Variants in NFAT5 observed in about 807,000 individuals in gnomAD.
NFAT5 encodes nuclear factor of activated T-cells 5.
In NFAT5, 31 loss-of-function variants were observed where a neutral mutation model predicts 166.5. The observed-to-expected ratio is 0.19, with a 90% CI of 0.14 to 0.25. NFAT5 has a LOEUF of 0.25. Among genes scored for constraint, NFAT5 ranks in the 10% least tolerant of loss-of-function variants. The pLI, the probability that NFAT5 is intolerant of heterozygous loss-of-function variation, is 1.00. For missense variants in NFAT5, 1,449 were observed against 1,821.8 expected, an observed-to-expected ratio of 0.80 and a Z score of 3.72; for synonymous variants, 612 against 639.7, an observed-to-expected ratio of 0.96 and a Z score of 0.65.
chr16:69,586,965 C>T (rs972533600), intron 2 of NFAT5, among the ~76,000 whole-genome samples: 35 of 152,150 alleles, frequency 2.3e-4, no homozygotes, highest in African/African-American at 7.5e-4. Context: ...GGTAGGGGTT[C>T]ATGAAAACCC....
At chr16:69,595,836 T>G (rs1597373590) in intron 2 of NFAT5, among the ~76,000 whole-genome samples, 1 of 141,714 alleles carries the variant, frequency 7.1e-6, no homozygotes, top group Non-Finnish European at 1.5e-5. Flanking sequence ...ACACAAACAC[T>G]GTGATACTTT....
At chr16:69,617,093 A>G (rs2033986472) in intron 2 of NFAT5, among the ~76,000 whole-genome samples, 1 of 151,680 alleles carries the variant, frequency 6.6e-6, no homozygotes, top group African/African-American at 2.4e-5. Flanking sequence ...ACAGGCGCCC[A>G]CCATCACGCC....
intron 2 of NFAT5, among the ~76,000 whole-genome samples, chr16:69,619,161 G>A (rs1349943192): frequency 1.3e-5 from 2 of 152,148 alleles, no homozygotes; most frequent in East Asian, 1.9e-4. Context: ...TCTCTGACCC[G>A]AAAGCAGTTG....
chr16:69,568,372 GTGTGTATA>G (rs1197183445), intron 1 of NFAT5, 115 bp from the exon 2 acceptor site: 65 of 394,678 alleles, frequency 1.6e-4, no homozygotes, highest in East Asian at 5.0e-4. Flanking sequence ...GTGTGTGTGT[GTGTGTATA>G]TATATATATA....
chr16:69,636,935 GT>G, intron 3 of NFAT5, among the ~76,000 whole-genome samples: 1 of 152,288 alleles, frequency 6.6e-6, no homozygotes. Context: ...TAGAAAATGG[GT>G]TTTTCTTTTC....
intron 7 of NFAT5, among the ~76,000 whole-genome samples, chr16:69,661,418 C>T (rs2036131785): frequency 6.7e-6 from 1 of 149,334 alleles, no homozygotes; most frequent in Non-Finnish European, 1.5e-5. Context: ...TGGCATGTGC[C>T]TGTAGTCCCA....
In NFAT5 at chr16:69,691,932, C is replaced by G; in HGVS notation, c.2107C>G (p.Gln703Glu). ...LTTIQTQDIS[Q>E]PGTFPAVSAS... ...AACTATTCAAACCCAGGACATCTCACAGCCTGGTACTTTTCCAGCAGTTTC... is the reference window on the plus strand; with the variant it reads ...AACTATTCAAACCCAGGACATCTCAGAGCCTGGTACTTTTCCAGCAGTTTC... The change falls in exon 13 of 15, where the codon CAG (glutamine) becomes GAG (glutamate). Residue 703 changes from glutamine to glutamate, a missense_variant. By Grantham distance (29) the Gln-to-Glu change is conservative. Transcript: ENST00000349945. 1 of 1,614,158 alleles carries G rather than the reference C, an allele frequency of 6.2e-7. No homozygotes were observed. Among genetic ancestry groups the G allele is most frequent in the Non-Finnish European group, 8.5e-7 (1 of 1,180,022 alleles).
At chr16:69,620,390 T>G (rs1234405555) in intron 2 of NFAT5, among the ~76,000 whole-genome samples, 1 of 152,224 alleles carries the variant, frequency 6.6e-6, no homozygotes, top group Non-Finnish European at 1.5e-5. Flanking sequence ...GGTGAGTTGA[T>G]TACACATTAT....
chr16:69,607,158 G>A (rs1161499133), intron 2 of NFAT5, among the ~76,000 whole-genome samples: 1 of 152,156 alleles, frequency 6.6e-6, no homozygotes, highest in East Asian at 1.9e-4. Context: ...GACAGCCAAG[G>A]CTTGCTGTGA....
intron 5 of NFAT5, among the ~76,000 whole-genome samples, chr16:69,654,807 G>T (rs577122166): frequency 1.7e-4 from 26 of 152,242 alleles, no homozygotes; most frequent in African/African-American, 6.3e-4. Flanking sequence ...AGCTGTACTG[G>T]AATAGAAAAG....
At chr16:69,658,068 G>T (rs1310098414) in intron 6 of NFAT5, among the ~76,000 whole-genome samples, 5 of 150,474 alleles carry the variant, frequency 3.3e-5, no homozygotes, top group Admixed American at 2.6e-4. Flanking sequence ...TGGGCGACAG[G>T]GCGAGACTTG....
At position 69,566,026 on chromosome 16, in the gene NFAT5, C is replaced by A. The variant is rs2016002684; in HGVS notation, c.-276C>A. The A allele has an allele frequency of 2.6e-6, 1 of 385,382 alleles. No homozygotes were observed. Among genetic ancestry groups the A allele is most frequent in the Non-Finnish European group, 4.7e-6 (1 of 214,490 alleles). 23.9% of individuals were successfully genotyped at this position (385,382 alleles called of 1,614,324 possible). A position where few individuals can be genotyped will look rare whatever the true frequency, so the allele number is the denominator to read the frequency against. ...CGTCAGTTTTCGCTGAGGAGAAACA[C>A]GAAACGGACCCTTTGGCTCTCCCCC... On this transcript the variant is annotated 5_prime_UTR_variant, in exon 1 of 15. Coordinates refer to ENST00000349945, the MANE Select transcript of NFAT5 (RefSeq NM_138713.4). This position sits in a 1 kb window ranked among gnomAD's most constrained non-coding sequence, Gnocchi z 5.7.
intron 2 of NFAT5, among the ~76,000 whole-genome samples, chr16:69,617,203 A>T (rs894820285): frequency 6.6e-6 from 1 of 152,000 alleles, no homozygotes; most frequent in Non-Finnish European, 1.5e-5. Flanking sequence ...CGGCCTCCCA[A>T]AGTGCTGGGA....
At chr16:69,648,368 A>G in intron 4 of NFAT5, 2 of 982,408 alleles carry the variant, frequency 2.0e-6, no homozygotes, top group Non-Finnish European at 2.4e-6. Flanking sequence ...AACTAAATTG[A>G]GAGTTTGATT....
At chr16:69,687,619 C>A (rs1038914941) in intron 11 of NFAT5, among the ~76,000 whole-genome samples, 14 of 152,080 alleles carry the variant, frequency 9.2e-5, no homozygotes, top group African/African-American at 3.4e-4. Context: ...AAGACTCTTG[C>A]TCAACTTTCT....
intron 2 of NFAT5, among the ~76,000 whole-genome samples, chr16:69,622,861 C>G (rs558865169): frequency 6.6e-6 from 1 of 150,406 alleles, no homozygotes; most frequent in East Asian, 1.9e-4. Flanking sequence ...AAAATAGACT[C>G]GAGGCTGGGT....
intron 6 of NFAT5, among the ~76,000 whole-genome samples, chr16:69,656,863 A>G (rs1597482817): frequency 6.6e-6 from 1 of 152,222 alleles, no homozygotes; most frequent in African/African-American, 2.4e-5. Flanking sequence ...TAAAAAATAT[A>G]TATCTTTAGA....
At chr16:69,607,330 G>T (rs952266881) in intron 2 of NFAT5, among the ~76,000 whole-genome samples, 1 of 152,106 alleles carries the variant, frequency 6.6e-6, no homozygotes, top group Non-Finnish European at 1.5e-5. Context: ...TTGTATAATG[G>T]TTGTAGACTT....
rs2037951909 is a variant in NFAT5 at position 69,704,654 on chromosome 16, A to G, written c.*8303A>G. 6.6e-6 allele frequency: 1 copy of G among 152,632 alleles called. No individual in the cohort carries two copies. Among genetic ancestry groups the G allele is most frequent in the Non-Finnish European group, 1.5e-5 (1 of 68,028 alleles). The allele number at this position is 152,632 out of a possible 1,614,324, so 9.5% of individuals were successfully genotyped here. A position where few individuals can be genotyped will look rare whatever the true frequency, so the allele number is the denominator to read the frequency against. On this transcript the variant is annotated 3_prime_UTR_variant, in exon 15 of 15. Transcript: ENST00000349945. ...CAAAAATAAAACACTGAAAGTTTTC[A>G]TTTTGCAGTGGATAGCTGTCTTTTT...
Sources: gnomAD v4.1 joint callset for allele counts (sites outside exome capture counted in the v4.1 genomes callset) on GRCh38, gnomAD v4.1.1 for gene constraint, Gnocchi (gnomAD v3.1) non-coding constraint, MANE v1.5 for transcripts, NCBI Gene and HGNC (gene_info 2026-07-23, HGNC 2026-07-21) for gene names.